Variants in DNAH8 observed in about 807,000 individuals in gnomAD.
DNAH8 encodes the protein axonemal beta dynein heavy chain 8.
DNAH8 carries 382 observed loss-of-function variants against 562.1 expected under a neutral mutation model. That is an observed-to-expected ratio of 0.68 (90% confidence interval 0.63 to 0.74). DNAH8 has a LOEUF of 0.74. Ranked by LOEUF, DNAH8 falls within the 30% of genes least tolerant of loss-of-function variation. The pLI, the probability that DNAH8 is intolerant of heterozygous loss-of-function variation, is 0.00. For synonymous variants in DNAH8, 1,881 were observed against 1,919.4 expected, an observed-to-expected ratio of 0.98 and a Z score of 0.52; for missense variants, 5,203 against 5,620.4, an observed-to-expected ratio of 0.93 and a Z score of 2.37.
In DNAH8 at chr6:38,945,509, A is replaced by G. The variant is rs373272710; in HGVS notation, c.12050A>G (p.Tyr4017Cys). 1.9e-6 allele frequency: 3 copies of G among 1,614,008 alleles called. No individual in the cohort carries two copies. The highest frequency in any genetic ancestry group is 1.3e-5 in the African/African-American group (1 of 74,924). The change falls in exon 80 of 93, where the codon TAT becomes TGT. Residue 4017 changes from tyrosine (Y) to cysteine (C), a missense_variant. By Grantham distance (194) the Tyr-to-Cys change is radical. This residue lies in a region of DNAH8 where 1,399 missense variants were observed against 1,518.4 expected (regional missense o/e 0.92). Coordinates refer to ENST00000327475, the MANE Select transcript of DNAH8 (RefSeq NM_001206927.2). ...CTGAAAGCCTGTCCTCCCAAACCCTATCGCTGGATCCTTGACATGACTTGG... is the reference window on the plus strand; with the variant it reads ...CTGAAAGCCTGTCCTCCCAAACCCTGTCGCTGGATCCTTGACATGACTTGG... ...LDLKACPPKP[Y>C]RWILDMTWLN...
rs779817409 is a variant in DNAH8 at position 38,842,486 on chromosome 6, C to G, written c.4585C>G (p.Leu1529Val). Residue 1529 changes from leucine (L) to valine (V), a missense_variant, in exon 34 of 93, where the codon CTG becomes GTG. Coordinates refer to ENST00000327475, the MANE Select transcript of DNAH8 (RefSeq NM_001206927.2). ...DVDIEKINAE[L>V]LEFQNRCRKL... ...AGATATTGAAAAAATTAATGCAGAACTGCTGGAATTTCAAAACAGGTGAGT... is the reference window on the plus strand; with the variant it reads ...AGATATTGAAAAAATTAATGCAGAAGTGCTGGAATTTCAAAACAGGTGAGT... 11 of 1,611,888 alleles carry G rather than the reference C, an allele frequency of 6.8e-6. No homozygotes were observed. The Admixed American group carries it at 1.8e-4, about 27-fold the overall frequency.
chr6:38,847,613 A>G (rs1775400418), intron 36 of DNAH8, among the ~76,000 whole-genome samples: 1 of 152,156 alleles, frequency 6.6e-6, no homozygotes, highest in Non-Finnish European at 1.5e-5. Flanking sequence ...GTATTCAGGC[A>G]TCAGACCGTA....
At chr6:38,768,477 G>A (rs1048225802) in intron 11 of DNAH8, among the ~76,000 whole-genome samples, 3 of 151,802 alleles carry the variant, frequency 2.0e-5, no homozygotes, top group Non-Finnish European at 2.9e-5. Context: ...ATGTTGCCCA[G>A]GTGGTCTCAA....
At position 38,722,718 on chromosome 6, in the gene DNAH8, A is replaced by G. The variant is rs983392663; in HGVS notation, c.-34-58A>G. On this transcript the variant is annotated intron_variant, in intron 1 of 92. Coordinates refer to ENST00000327475, the MANE Select transcript of DNAH8 (RefSeq NM_001206927.2). ...CTTGTCTAGCTAAAAGGGGAGTAAT[A>G]AAAACGTACAACACTCAATTTACTG... 1.0e-5 allele frequency: 14 copies of G among 1,378,210 alleles called. No homozygotes were observed. The Admixed American group carries it at 1.4e-4, about 14-fold the overall frequency. The allele number at this position is 1,378,210 out of a possible 1,614,324, so 85.4% of individuals were successfully genotyped here.
chr6:38,903,200 T>A (rs1384618584), intron 62 of DNAH8, among the ~76,000 whole-genome samples: 1 of 152,148 alleles, frequency 6.6e-6, no homozygotes, highest in African/African-American at 2.4e-5. Flanking sequence ...TGAGGCTGTG[T>A]AATTTATTTA....
chr6:38,883,133 C>CT, intron 54 of DNAH8, 81 bp downstream of exon 54: 1 of 1,390,534 alleles, frequency 7.2e-7, no homozygotes, highest in Non-Finnish European at 9.6e-7. Flanking sequence ...TCTTCCAGCA[C>CT]TTTTATAGTA....
intron 52 of DNAH8, among the ~76,000 whole-genome samples, chr6:38,873,641 T>G (rs1777642843): frequency 6.6e-6 from 1 of 151,954 alleles, no homozygotes; most frequent in Non-Finnish European, 1.5e-5. Flanking sequence ...TAGTGACCTG[T>G]CCCATAAAGT....
chr6:38,867,231 ATGTGTGTGTG>A (rs70981595), intron 47 of DNAH8, among the ~76,000 whole-genome samples: 1 of 148,322 alleles, frequency 6.7e-6, no homozygotes, highest in Non-Finnish European at 1.5e-5. Context: ...GTGTGTGTAT[ATGTGTGTGTG>A]TGTGTGTGTG....
intron 10 of DNAH8, among the ~76,000 whole-genome samples, chr6:38,756,860 T>C (rs931699160): frequency 4.6e-5 from 7 of 152,178 alleles, no homozygotes; most frequent in African/African-American, 1.7e-4. Context: ...TCATCGTTTT[T>C]TATGGCTGCA....
chr6:38,886,515 ATATCT>A (rs1436895568), intron 56 of DNAH8, among the ~76,000 whole-genome samples: 2 of 152,162 alleles, frequency 1.3e-5, no homozygotes, highest in African/African-American at 2.4e-5. Flanking sequence ...ATTTAACCAA[ATATCT>A]TATAACTCAC....
intron 53 of DNAH8, among the ~76,000 whole-genome samples, chr6:38,876,935 C>T (rs1182662005): frequency 6.6e-6 from 1 of 152,140 alleles, no homozygotes; most frequent in Non-Finnish European, 1.5e-5. Context: ...CATCTTTAAC[C>T]AGAAAGGCCA....
At chr6:38,784,418 A>G (rs549689588) in intron 17 of DNAH8, among the ~76,000 whole-genome samples, 2 of 152,264 alleles carry the variant, frequency 1.3e-5, no homozygotes, top group South Asian at 2.1e-4. Flanking sequence ...CACATATTCA[A>G]AAACAAGCTC....
chr6:38,984,460 G>T lies in DNAH8; in HGVS notation c.13053+153G>T, dbSNP rs201607169. 116 of 561,602 alleles carry T rather than the reference G, an allele frequency of 2.1e-4. No individual in the cohort carries two copies. The African/African-American group carries it at 2.5e-3, about 12-fold the overall frequency. 34.8% of individuals were successfully genotyped at this position (561,602 alleles called of 1,614,324 possible). ...AATGCATGTGTGCGCTTACACACAC[G>T]CACACACATGCACACACACACACAC... On this transcript the variant is annotated intron_variant, in intron 87 of 92. Transcript: ENST00000327475.
At chr6:38,831,991 T>A (rs919193431) in intron 30 of DNAH8, among the ~76,000 whole-genome samples, 30 of 152,184 alleles carry the variant, frequency 2.0e-4, no homozygotes, top group Non-Finnish European at 4.4e-5. Context: ...TATTAGAGAT[T>A]GCTAATCCCA....
At position 38,838,052 on chromosome 6, in the gene DNAH8, G is replaced by T; in HGVS notation, c.4466+10G>T. 2.6e-6 allele frequency: 4 copies of T among 1,553,766 alleles called. No homozygotes were observed. The East Asian group carries it at 6.8e-5, about 26-fold the overall frequency. On this transcript the variant is annotated intron_variant, in intron 33 of 92. Transcript: ENST00000327475. Reference sequence around the variant, plus strand: ...TTTTACACAAAACCAGGTAAGTTTAGAAAATAAGCAAGTATTACATGCAAA... The same window carrying T: ...TTTTACACAAAACCAGGTAAGTTTATAAAATAAGCAAGTATTACATGCAAA...
At chr6:38,909,770 C>A (rs777195408) in intron 65 of DNAH8, 26 bp downstream of exon 65, 1 of 1,559,998 alleles carries the variant, frequency 6.4e-7, no homozygotes, top group Non-Finnish European at 8.8e-7. Flanking sequence ...TAAGCACCAT[C>A]GCTATGGAAC....
chr6:38,797,084 A>G (rs1222810701), intron 21 of DNAH8, among the ~76,000 whole-genome samples: 3 of 152,238 alleles, frequency 2.0e-5, no homozygotes, highest in African/African-American at 7.2e-5. Flanking sequence ...AATGAGTATT[A>G]GCAATTCTGT....
intron 18 of DNAH8, among the ~76,000 whole-genome samples, chr6:38,789,185 A>C (rs898572433): frequency 2.0e-5 from 3 of 152,366 alleles, no homozygotes; most frequent in African/African-American, 7.2e-5. Flanking sequence ...GTAATGTATA[A>C]AGGGGAAAGA....
At chr6:38,964,600 A>G (rs1051079902) in intron 82 of DNAH8, among the ~76,000 whole-genome samples, 3 of 151,922 alleles carry the variant, frequency 2.0e-5, no homozygotes, top group Non-Finnish European at 2.9e-5. Context: ...AGTGCTATTT[A>G]TAATACTGAA....
Sources: gnomAD v4.1 joint callset for allele counts (sites outside exome capture counted in the v4.1 genomes callset) on GRCh38, gnomAD v4.1.1 for gene constraint, gnomAD v4.1.1 regional missense constraint, MANE v1.5 for transcripts, NCBI Gene and HGNC (gene_info 2026-07-23, HGNC 2026-07-21) for gene names.